The following SLIT2 variants were observed in gnomAD, a reference collection of about 807,000 sequenced individuals.
The protein encoded by SLIT2 is slit guidance ligand 2.
SLIT2 carries 41 observed loss-of-function variants against 185.7 expected under a neutral mutation model. That is an observed-to-expected ratio of 0.22 (90% CI 0.17 to 0.29). SLIT2 has a LOEUF of 0.29. Among genes scored for constraint, SLIT2 ranks in the 10% least tolerant of loss-of-function variants. SLIT2 has a pLI of 1.00. For synonymous variants in SLIT2, 693 were observed against 680.2 expected (o/e 1.02, Z -0.29); for missense variants, 1,571 against 1,909.0 (o/e 0.82, Z 3.30).
chr4:20,363,544 T>G (rs1355120247), intron 4 of SLIT2, among the ~76,000 whole-genome samples: 1 of 152,146 alleles, frequency 6.6e-6, no homozygotes, highest in Non-Finnish European at 1.5e-5. Flanking sequence ...CACAGCAATG[T>G]ATTTCTAATC....
At chr4:20,564,570 A>G (rs1312781618) in intron 26 of SLIT2, among the ~76,000 whole-genome samples, 1 of 151,912 alleles carries the variant, frequency 6.6e-6, no homozygotes, top group African/African-American at 2.4e-5. Context: ...ATTGTTGAAT[A>G]ACTGGGTTTT....
intron 7 of SLIT2, among the ~76,000 whole-genome samples, chr4:20,487,925 C>T (rs1279124767): frequency 6.6e-6 from 1 of 152,162 alleles, no homozygotes; most frequent in Non-Finnish European, 1.5e-5. Flanking sequence ...GAATTGAACA[C>T]ATCAGCTTAA....
chr4:20,355,449 A>G (rs555960687), intron 4 of SLIT2, among the ~76,000 whole-genome samples: 229 of 152,302 alleles, frequency 1.5e-3, no homozygotes, highest in African/African-American at 5.0e-3. Context: ...TCACATTTCC[A>G]TTAGTAGAAT....
intron 5 of SLIT2, among the ~76,000 whole-genome samples, chr4:20,480,063 C>T (rs879634861): frequency 1.3e-5 from 2 of 152,262 alleles, no homozygotes; most frequent in South Asian, 4.1e-4. Context: ...ATTTACAATG[C>T]AGAGCATTTG....
chr4:20,291,479 TATATATATATA>T (rs1715869678), intron 4 of SLIT2, among the ~76,000 whole-genome samples: 6 of 9,704 alleles, frequency 6.2e-4, no homozygotes, highest in Admixed American at 1.6e-3. Context: ...TATATATATA[TATATATATATA>T]TATTTTTTTT....
rs371556255 is a variant in SLIT2, at chr4:20,266,429, C to T, written c.324-2381C>T. On this transcript the variant is annotated intron_variant, in intron 3 of 36. Transcript: ENST00000504154. ...CTGGGGCATGTGAAAGCAGGTTTGA[C>T]AGCCAGAGAATGGCATCAAACCCAA... Among the ~76,000 whole-genome samples the T allele has an allele frequency of 3.1e-4, 47 of 152,106 alleles. 1 individual carries two copies. In the South Asian group the frequency reaches 3.9e-3, roughly 13 times the overall value.
intron 5 of SLIT2, among the ~76,000 whole-genome samples, chr4:20,470,170 C>A (rs1244828903): frequency 1.3e-5 from 2 of 152,076 alleles, no homozygotes; most frequent in African/African-American, 4.8e-5. Context: ...TACAGTATTT[C>A]ATTTGCAAGT....
At chr4:20,504,380 T>G (rs1719010129) in intron 9 of SLIT2, among the ~76,000 whole-genome samples, 1 of 152,184 alleles carries the variant, frequency 6.6e-6, no homozygotes, top group Non-Finnish European at 1.5e-5. Flanking sequence ...AGTGTCAGTT[T>G]TATTGCCATG....
chr4:20,554,554 A>T (rs1204217919), intron 26 of SLIT2, among the ~76,000 whole-genome samples: 1 of 152,200 alleles, frequency 6.6e-6, no homozygotes, highest in East Asian at 1.9e-4. Context: ...TAAATAGAAA[A>T]ATATGAATAA....
chr4:20,558,764 G>A lies in SLIT2; in HGVS notation c.2725+4796G>A, dbSNP rs143034438. Among the ~76,000 whole-genome samples, 958 of 151,966 alleles carry A rather than the reference G, an allele frequency of 6.3e-3. 11 individuals carry two copies. The highest frequency in any genetic ancestry group is 0.02 in the Middle Eastern group (6 of 294). ...TGGAAATATGTTTCAGGGAAAATTA[G>A]CACTTTTCAGCACTGCCCAATACAA... On this transcript the variant is annotated intron_variant, in intron 26 of 36. Transcript: ENST00000504154.
chr4:20,543,468 A>G (rs146898215), intron 21 of SLIT2, among the ~76,000 whole-genome samples: 1,979 of 152,278 alleles, frequency 0.013, 46 homozygotes, highest in Admixed American at 0.057. Context: ...TTCTGAATAC[A>G]ATTGAGTCAC....
intron 4 of SLIT2, among the ~76,000 whole-genome samples, chr4:20,442,597 T>C (rs1457870672): frequency 1.3e-5 from 2 of 150,846 alleles, no homozygotes; most frequent in Non-Finnish European, 2.9e-5. Context: ...GAAGCTATGA[T>C]GTGAAACTCG....
chr4:20,354,486 CA>C (rs1302578118), intron 4 of SLIT2, among the ~76,000 whole-genome samples: 1 of 152,162 alleles, frequency 6.6e-6, no homozygotes, highest in African/African-American at 2.4e-5. Context: ...AATTCTCATC[CA>C]ACTGTGCAAT....
At chr4:20,307,307 G>A (rs367893828) in intron 4 of SLIT2, among the ~76,000 whole-genome samples, 17 of 141,638 alleles carry the variant, frequency 1.2e-4, no homozygotes, top group African/African-American at 4.6e-4. Flanking sequence ...TTGTCACCCA[G>A]GCAGGAGTGC....
chr4:20,297,014 ACAGTTAATATATCTT>A (rs1716548908), intron 4 of SLIT2, among the ~76,000 whole-genome samples: 1 of 152,186 alleles, frequency 6.6e-6, no homozygotes. Flanking sequence ...AACATGCTTT[ACAGTTAATATATCTT>A]GATTTTCAAA....
At chr4:20,392,378 C>A (rs1725495833) in intron 4 of SLIT2, 2 of 151,944 alleles carry the variant, frequency 1.3e-5, no homozygotes, top group Admixed American at 1.3e-4. Flanking sequence ...ATGAATGAGG[C>A]TTGGAGGACT....
chr4:20,586,661 C>T (rs557555595), intron 29 of SLIT2, among the ~76,000 whole-genome samples: 8 of 152,178 alleles, frequency 5.3e-5, no homozygotes, highest in Admixed American at 3.9e-4. Flanking sequence ...TATAAATGCT[C>T]ATTAAGTACA....
intron 9 of SLIT2, among the ~76,000 whole-genome samples, chr4:20,496,050 A>G (rs1342338407): frequency 1.3e-5 from 2 of 152,226 alleles, no homozygotes; most frequent in African/African-American, 4.8e-5. Flanking sequence ...CTTTATTGCA[A>G]GTTATGAGAT....
chr4:20,482,001 A>G (rs901598772), intron 6 of SLIT2, among the ~76,000 whole-genome samples: 6 of 152,062 alleles, frequency 3.9e-5, no homozygotes, highest in Non-Finnish European at 7.4e-5. Context: ...AGTGCTTATC[A>G]TATACATTTT....
Sources: gnomAD v4.1 joint callset for allele counts (sites outside exome capture counted in the v4.1 genomes callset) on GRCh38, gnomAD v4.1.1 for gene constraint, MANE v1.5 for transcripts, NCBI Gene and HGNC (gene_info 2026-07-23, HGNC 2026-07-21) for gene names.